VEPH1: variants seen among roughly 807,000 people sequenced by gnomAD.
The protein encoded by VEPH1 is ventricular zone-expressed PH domain-containing protein homolog 1.
Under a neutral mutation model 85.2 loss-of-function variants are expected in VEPH1, and 80 were observed. The ratio of observed to expected loss-of-function variants is 0.94; its 90% CI spans 0.78 to 1.13. The LOEUF (loss-of-function observed/expected upper bound fraction) is 1.13, where lower values mean the gene tolerates loss of function less well. Among genes scored for constraint, VEPH1 ranks in the 50% most tolerant of loss-of-function variants. The pLI, the probability that VEPH1 is intolerant of heterozygous loss-of-function variation, is 0.00. For synonymous variants in VEPH1, 297 were observed against 348.0 expected, an observed-to-expected ratio of 0.85 and a Z score of 1.63; for missense variants, 955 against 980.5, an observed-to-expected ratio of 0.97 and a Z score of 0.35.
chr3:157,337,345 G>A (rs986287617), intron 9 of VEPH1, among the ~76,000 whole-genome samples: 2 of 152,022 alleles, frequency 1.3e-5, no homozygotes, highest in African/African-American at 4.8e-5. Flanking sequence ...AATTTAAAAG[G>A]TTATCCTGAT....
chr3:157,380,273 G>A (rs1728614294), intron 7 of VEPH1, among the ~76,000 whole-genome samples: 1 of 152,088 alleles, frequency 6.6e-6, no homozygotes, highest in Non-Finnish European at 1.5e-5. Flanking sequence ...GCCTCTTCCT[G>A]AGACATCCTC....
chr3:157,281,920 C>T (rs979239659), intron 12 of VEPH1, among the ~76,000 whole-genome samples: 4 of 152,160 alleles, frequency 2.6e-5, no homozygotes, highest in Admixed American at 1.3e-4. Flanking sequence ...TTCATAGACT[C>T]ACAAGGCTAT....
rs779136906 is a variant in VEPH1, at chr3:157,470,409, C to T, written c.259G>A (p.Asp87Asn). The T allele has an allele frequency of 6.2e-7, 1 of 1,614,126 alleles. No homozygotes were observed. The highest frequency in any genetic ancestry group is 1.1e-5 in the South Asian group (1 of 91,078). Residue 87 changes from aspartate to asparagine, a missense_variant, in exon 3 of 14, where the codon GAC (aspartate) becomes AAC (asparagine). By Grantham distance (23) the Asp-to-Asn change is conservative. Transcript: ENST00000362010. ...CTCAGGTTATGTTCCAAGCAGGAGT[C>T]CCAGAGCCCCACAAGGGCCTTTGCA... ...KHAKALVGLWDSCLEHNLRPF... is the reference protein window; with the variant it reads ...KHAKALVGLWNSCLEHNLRPF...
At chr3:157,501,292 A>T (rs557090168) in intron 1 of VEPH1, among the ~76,000 whole-genome samples, 1 of 152,244 alleles carries the variant, frequency 6.6e-6, no homozygotes, top group South Asian at 2.1e-4. Flanking sequence ...TGGCAACCTT[A>T]TCTTGTTTCC....
chr3:157,401,134 A>AATTTAATATCT (rs1391125190), intron 6 of VEPH1, among the ~76,000 whole-genome samples: 6 of 152,174 alleles, frequency 3.9e-5, no homozygotes, highest in South Asian at 2.1e-4. Context: ...ATATCTGTTT[A>AATTTAATATCT]GTAAATGAGG....
rs778876064 is a variant in VEPH1 at position 157,381,311 on chromosome 3, G to A, written c.972C>T (p.His324=). ...SQLANMEHSF[H]HILLLEIKSI... ...TTTTAATCTCCAGCAGGAGAATATG[G>A]TGAAACGAATGCTCCATGTTGGCCA... Residue 324 remains histidine (H), a synonymous_variant, in exon 7 of 14, where the codon CAC becomes CAT. Transcript: ENST00000362010. The A allele has an allele frequency of 6.2e-7, 1 of 1,614,196 alleles. No individual in the cohort carries two copies. Among genetic ancestry groups the A allele is most frequent in the Non-Finnish European group, 8.5e-7 (1 of 1,180,038 alleles).
At chr3:157,329,854 C>A (rs1722319482) in intron 9 of VEPH1, among the ~76,000 whole-genome samples, 1 of 152,188 alleles carries the variant, frequency 6.6e-6, no homozygotes, top group Admixed American at 6.5e-5. Flanking sequence ...TCTGCCTCAA[C>A]TGACTATTTC....
intron 5 of VEPH1, among the ~76,000 whole-genome samples, chr3:157,427,942 A>T (rs1732870067): frequency 6.6e-6 from 1 of 152,230 alleles, no homozygotes; most frequent in Admixed American, 6.5e-5. Context: ...GAGGGCCCGA[A>T]TAGAACAAAA....
At chr3:157,337,857 T>C (rs1185762382) in intron 9 of VEPH1, among the ~76,000 whole-genome samples, 1 of 152,162 alleles carries the variant, frequency 6.6e-6, no homozygotes, top group Non-Finnish European at 1.5e-5. Flanking sequence ...AGATGTAAAA[T>C]ACTCAGAAAA....
intron 12 of VEPH1, among the ~76,000 whole-genome samples, chr3:157,281,405 A>G (rs1301531225): frequency 6.6e-6 from 1 of 152,210 alleles, no homozygotes. Flanking sequence ...ATGTGAAGTT[A>G]TTGTATAAAA....
chr3:157,476,525 CT>C (rs1737486886), intron 2 of VEPH1, among the ~76,000 whole-genome samples: 1 of 152,152 alleles, frequency 6.6e-6, no homozygotes. Flanking sequence ...ATAACTTCTT[CT>C]GCCCCCACCC....
intron 9 of VEPH1, among the ~76,000 whole-genome samples, chr3:157,320,427 C>T (rs1405424653): frequency 6.6e-6 from 1 of 152,058 alleles, no homozygotes; most frequent in Non-Finnish European, 1.5e-5. Flanking sequence ...GTGTAGAGAA[C>T]CCTGAAAGCA....
chr3:157,277,547 T>A (rs1363459147), intron 12 of VEPH1, among the ~76,000 whole-genome samples: 4 of 152,360 alleles, frequency 2.6e-5, no homozygotes, highest in African/African-American at 9.6e-5. Flanking sequence ...ATGGAATTTT[T>A]AAACAGGAGT....
intron 11 of VEPH1, among the ~76,000 whole-genome samples, chr3:157,295,906 G>A (rs1718070997): frequency 6.6e-6 from 1 of 152,142 alleles, no homozygotes; most frequent in Non-Finnish European, 1.5e-5. Flanking sequence ...AGTGAGCCAA[G>A]ATTAGGTCAC....
At chr3:157,368,866 T>C (rs1727063151) in intron 7 of VEPH1, among the ~76,000 whole-genome samples, 1 of 152,040 alleles carries the variant, frequency 6.6e-6, no homozygotes, top group African/African-American at 2.4e-5. Context: ...ACTACAATTA[T>C]TATACTAAAA....
At chr3:157,270,701 G>A (rs1317869289) in intron 12 of VEPH1, among the ~76,000 whole-genome samples, 2 of 151,982 alleles carry the variant, frequency 1.3e-5, no homozygotes, top group African/African-American at 2.4e-5. Flanking sequence ...CACCCACCCC[G>A]TATGTATTTT....
intron 4 of VEPH1, among the ~76,000 whole-genome samples, chr3:157,439,782 G>A (rs144503818): frequency 0.012 from 1,882 of 152,134 alleles, 36 homozygotes; most frequent in African/African-American, 0.043. Flanking sequence ...ACGGAATCTC[G>A]CTCTGTCGCC....
At chr3:157,269,906 T>A (rs6776647) in intron 12 of VEPH1, among the ~76,000 whole-genome samples, 109,835 of 152,000 alleles carry the variant, frequency 0.72, 40,446 homozygotes, top group African/African-American at 0.86. Flanking sequence ...GGATATTCAA[T>A]CATTTTCTCA....
rs58451868 is a variant in VEPH1, at chr3:157,369,180, G to GAAAAAAA, written c.1128-4675_1128-4669dup. Among the ~76,000 whole-genome samples, 95 of 42,778 alleles carry GAAAAAAA rather than the reference G, an allele frequency of 2.2e-3. 15 individuals are homozygous for GAAAAAAA. The highest frequency in any genetic ancestry group is 6.8e-3 in the South Asian group (3 of 440). The allele number at this position is 42,778 out of a possible 152,430, so 28.1% of individuals were successfully genotyped here. On this transcript the variant is annotated intron_variant, in intron 7 of 13. Coordinates refer to ENST00000362010, the MANE Select transcript of VEPH1 (RefSeq NM_001167912.2). Reference sequence around the variant, plus strand: ...ACAACAACAACAACAAAAACCAAATGAAAAAAAAAAAAAAAAAAAAAAAAC... The same window carrying GAAAAAAA: ...ACAACAACAACAACAAAAACCAAATGAAAAAAAAAAAAAAAAAAAAAAAAAAAAAAAC...
Sources: gnomAD v4.1 joint callset for allele counts (sites outside exome capture counted in the v4.1 genomes callset) on GRCh38, gnomAD v4.1.1 for gene constraint, MANE v1.5 for transcripts, NCBI Gene and HGNC (gene_info 2026-07-23, HGNC 2026-07-21) for gene names.